Variants in OTOGL observed in about 807,000 individuals in gnomAD.
OTOGL encodes otogelin-like protein.
A neutral mutation model predicts 318.5 loss-of-function variants in OTOGL; 285 were observed. The observed-to-expected ratio is 0.89, with a 90% CI of 0.81 to 0.99. The LOEUF is 0.99. Ranked by LOEUF, OTOGL falls within the 50% of genes least tolerant of loss-of-function variation. OTOGL has a pLI of 0.00. For missense variants in OTOGL, 2,899 were observed against 2,845.6 expected, an observed-to-expected ratio of 1.02 and a Z score of -0.43; for synonymous variants, 987 against 936.5, an observed-to-expected ratio of 1.05 and a Z score of -0.99.
At chr12:80,352,708 G>C (rs1889628277) in intron 45 of OTOGL, among the ~76,000 whole-genome samples, 1 of 152,130 alleles carries the variant, frequency 6.6e-6, no homozygotes. Context: ...CATCGGGAAT[G>C]TGTGTCATCT....
Position 80,380,182 on chromosome 12 carries a change from C to T in OTOGL, c.*2134C>T, listed in dbSNP as rs1055553471. On this transcript the variant is annotated 3_prime_UTR_variant, in exon 59 of 59. Coordinates refer to ENST00000547103, the MANE Select transcript of OTOGL (RefSeq NM_001378609.3). The stretch of plus-strand genomic sequence containing the variant: ...AAAAAACAAAAGAAGATAGGAGTTA[C>T]AAAAGAAAATAGGGAAGAAATCTTA... 3 of 151,784 alleles carry T rather than the reference C, an allele frequency of 2.0e-5. No individual in the cohort carries two copies. The highest frequency in any genetic ancestry group is 7.2e-5 in the African/African-American group (3 of 41,382). 9.4% of individuals were successfully genotyped at this position (151,784 alleles called of 1,614,324 possible). A position where few individuals can be genotyped will look rare whatever the true frequency, so the allele number is the denominator to read the frequency against.
chr12:80,219,339 T>A (rs1477786509), intron 5 of OTOGL, among the ~76,000 whole-genome samples: 2 of 152,234 alleles, frequency 1.3e-5, no homozygotes, highest in Non-Finnish European at 2.9e-5. Flanking sequence ...CTCGAACTCC[T>A]GACCTCAAAT....
At chr12:80,141,980 C>T (rs1215185161) in intron 1 of OTOGL, among the ~76,000 whole-genome samples, 1 of 152,082 alleles carries the variant, frequency 6.6e-6, no homozygotes, top group Non-Finnish European at 1.5e-5. Flanking sequence ...CTCAACCTTC[C>T]TTTCTTGTCC....
rs576773458 is a variant in OTOGL at position 80,255,844 on chromosome 12, CTTTA to C, written c.1588-489_1588-486del. 3.2e-3 allele frequency among the ~76,000 whole-genome samples: 490 copies of C among 151,582 alleles called. 3 individuals carry two copies. The highest frequency in any genetic ancestry group is 7.1e-3 in the Middle Eastern group (2 of 280). On this transcript the variant is annotated intron_variant, in intron 16 of 58. Coordinates refer to ENST00000547103, the MANE Select transcript of OTOGL (RefSeq NM_001378609.3). ...TATTTCCAACAAAAATTCTGAACTG[CTTTA>C]TTTGTTTTTTTTCCAGTTTTATTTT...
At chr12:80,343,477 TA>T in intron 44 of OTOGL, 1 of 150,694 alleles carries the variant, frequency 6.6e-6, no homozygotes, top group African/African-American at 2.4e-5. Flanking sequence ...ACATTTTTAT[TA>T]TTTTTTACAT....
intron 11 of OTOGL, among the ~76,000 whole-genome samples, chr12:80,246,197 A>G (rs1371178377): frequency 6.7e-6 from 1 of 150,164 alleles, no homozygotes; most frequent in African/African-American, 2.5e-5. Context: ...TTCCAACACT[A>G]TGTTGAATAG....
intron 1 of OTOGL, among the ~76,000 whole-genome samples, chr12:80,163,000 G>A (rs1873616851): frequency 6.6e-6 from 1 of 151,726 alleles, no homozygotes; most frequent in Non-Finnish European, 1.5e-5. Context: ...TTGTTCACTG[G>A]GTCCTCTTTA....
intron 1 of OTOGL, among the ~76,000 whole-genome samples, chr12:80,167,312 A>G (rs1286932599): frequency 6.6e-6 from 1 of 152,164 alleles, no homozygotes; most frequent in African/African-American, 2.4e-5. Context: ...TTGTGAGGCG[A>G]CTGTGTAATA....
intron 11 of OTOGL, among the ~76,000 whole-genome samples, chr12:80,250,212 T>A (rs75300658): frequency 0.066 from 10,110 of 152,220 alleles, 462 homozygotes; most frequent in Middle Eastern, 0.11. Flanking sequence ...GATTCTTTAA[T>A]ACCCATTTTT....
At chr12:80,288,722 A>ATGT (rs1884816725) in intron 26 of OTOGL, among the ~76,000 whole-genome samples, 1 of 151,702 alleles carries the variant, frequency 6.6e-6, no homozygotes, top group Non-Finnish European at 1.5e-5. Context: ...CGAAGTTCTC[A>ATGT]TGTTGTGTCT....
intron 1 of OTOGL, among the ~76,000 whole-genome samples, chr12:80,156,627 G>A (rs1339027517): frequency 6.6e-6 from 1 of 152,146 alleles, no homozygotes; most frequent in Non-Finnish European, 1.5e-5. Flanking sequence ...CAAGTCTCAT[G>A]AGATCTGATC....
chr12:80,258,850 A>T (rs1314449095), intron 18 of OTOGL, among the ~76,000 whole-genome samples: 1 of 152,080 alleles, frequency 6.6e-6, no homozygotes, highest in African/African-American at 2.4e-5. Flanking sequence ...CAAAGGGTAC[A>T]AAGTTTCAGC....
At chr12:80,167,675 T>G (rs1005566897) in intron 1 of OTOGL, among the ~76,000 whole-genome samples, 1 of 152,148 alleles carries the variant, frequency 6.6e-6, no homozygotes, top group African/African-American at 2.4e-5. Context: ...AATATTTCAC[T>G]TGTCTCTAGT....
chr12:80,267,272 T>C lies in OTOGL; in HGVS notation c.2410T>C (p.Tyr804His). ...GTATAGATTCCACTGCCGTTGTCATTATAGGGGCAGTGTTTATCAACCTGG... is the reference window on the plus strand; with the variant it reads ...GTATAGATTCCACTGCCGTTGTCATCATAGGGGCAGTGTTTATCAACCTGG... ...CVPIFHCRCH[Y>H]RGSVYQPGEL... Residue 804 changes from tyrosine (Y) to histidine (H), a missense_variant, in exon 22 of 59, where the codon TAT becomes CAT. By Grantham distance (83) the Tyr-to-His change is moderately conservative. Around this residue, in one of 3 missense-constraint regions of OTOGL, gnomAD observed 2,607 missense variants for 2,524.9 expected, o/e 1.03. Coordinates refer to ENST00000547103, the MANE Select transcript of OTOGL (RefSeq NM_001378609.3). The C allele has an allele frequency of 6.4e-7, 1 of 1,561,234 alleles. No individual in the cohort carries two copies. Among genetic ancestry groups the C allele is most frequent in the Non-Finnish European group, 8.8e-7 (1 of 1,141,726 alleles).
chr12:80,312,880 C>T (rs766057730), intron 30 of OTOGL, among the ~76,000 whole-genome samples: 5 of 152,078 alleles, frequency 3.3e-5, no homozygotes, highest in Non-Finnish European at 5.9e-5. Context: ...GGTGCGATCT[C>T]AGCTCACTGC....
At chr12:80,351,297 T>TG (rs1889528745) in intron 44 of OTOGL, among the ~76,000 whole-genome samples, 1 of 150,392 alleles carries the variant, frequency 6.6e-6, no homozygotes, top group African/African-American at 2.4e-5. Flanking sequence ...TGTGTTTTTT[T>TG]TTTTTTTTTG....
rs778136565 is a variant in OTOGL, at chr12:80,318,735, A to G, written c.3802+22A>G. ...TCATGTAAGTATAATTGAAAATAAG[A>G]GTTTAGCTTTCCAATTACATTTTAA... On this transcript the variant is annotated intron_variant, in intron 33 of 58. Coordinates refer to ENST00000547103, the MANE Select transcript of OTOGL (RefSeq NM_001378609.3). 10 of 1,200,582 alleles carry G rather than the reference A, an allele frequency of 8.3e-6. No homozygotes were observed. In the South Asian group the frequency reaches 3.6e-4, roughly 43 times the overall value. The allele number at this position is 1,200,582 out of a possible 1,614,324, so 74.4% of individuals were successfully genotyped here.
chr12:80,221,103 T>C (rs900654208), intron 6 of OTOGL, among the ~76,000 whole-genome samples: 42 of 152,212 alleles, frequency 2.8e-4, no homozygotes, highest in Admixed American at 1.4e-3. Flanking sequence ...TTTCATATTA[T>C]TCTAAAGAGA....
chr12:80,280,502 C>CCTT (rs1884148818), intron 26 of OTOGL, among the ~76,000 whole-genome samples: 1 of 151,856 alleles, frequency 6.6e-6, no homozygotes, highest in Non-Finnish European at 1.5e-5. Context: ...CCAGTTTCAA[C>CCTT]CTTCTGCATA....
Sources: allele counts gnomAD v4.1 joint callset (sites outside exome capture counted in the v4.1 genomes callset), GRCh38; gene constraint gnomAD v4.1.1; regional missense constraint gnomAD v4.1.1; transcripts MANE v1.5; gene names NCBI Gene and HGNC (gene_info 2026-07-23, HGNC 2026-07-21).